The following CEP57L1 variants were observed in gnomAD, a reference collection of about 807,000 sequenced individuals.
The protein encoded by CEP57L1 is centrosomal protein CEP57L1.
A neutral mutation model predicts 61.0 loss-of-function variants in CEP57L1; 37 were observed. The ratio of observed to expected loss-of-function variants is 0.61; its 90% CI spans 0.47 to 0.80. CEP57L1 has a LOEUF of 0.80. Ranked by LOEUF, CEP57L1 falls within the 30% of genes least tolerant of loss-of-function variation. The probability of loss-of-function intolerance (pLI) is 0.00; values close to 1 mark genes in which losing one functional copy is unlikely to be tolerated. For synonymous variants in CEP57L1, 137 were observed against 162.3 expected, an observed-to-expected ratio of 0.84 and a Z score of 1.19; for missense variants, 422 against 524.7, an observed-to-expected ratio of 0.80 and a Z score of 1.91.
At chr6:109,113,407 T>C (rs1473257430) in intron 1 of CEP57L1, among the ~76,000 whole-genome samples, 2 of 152,124 alleles carry the variant, frequency 1.3e-5, no homozygotes, top group Non-Finnish European at 2.9e-5. Context: ...AGATACATGA[T>C]GAATAAAATA....
chr6:109,147,735 A>G (rs958400183), intron 3 of CEP57L1, among the ~76,000 whole-genome samples: 2 of 152,226 alleles, frequency 1.3e-5, no homozygotes, highest in Admixed American at 1.3e-4. Flanking sequence ...TGAGAGTGGT[A>G]GATGCATATA....
chr6:109,166,685 A>G lies in CEP57L1; in HGVS notation c.*3715A>G, dbSNP rs759065705. Among the ~76,000 whole-genome samples the G allele has an allele frequency of 1.8e-4, 27 of 152,096 alleles. No individual in the cohort carries two copies. Among genetic ancestry groups the G allele is most frequent in the Non-Finnish European group, 4.0e-4 (27 of 68,008 alleles). On this transcript the variant is annotated 3_prime_UTR_variant, in exon 11 of 11. Coordinates refer to ENST00000517392, the MANE Select transcript of CEP57L1 (RefSeq NM_001271852.3). ...GGCATGAGCCACTGCGCCCAGCCTA[A>G]ATGTGTATTCTTATCCATGATAAGA...
rs1424267281 is a variant in CEP57L1 at position 109,160,664 on chromosome 6, A to C, written c.1109A>C (p.Lys370Thr). The C allele has an allele frequency of 1.2e-6, 2 of 1,609,506 alleles. No individual in the cohort carries two copies. The highest frequency in any genetic ancestry group is 3.4e-5 in the Admixed American group (2 of 59,152). ...IECELECLLK[K>T]MEIKGEQISK... ...TGTGAACTAGAGTGTTTACTCAAGA[A>C]AATGGAAATTAAAGGAGAACAAATC... Residue 370 changes from lysine to threonine, a missense_variant, in exon 10 of 11, where the codon AAA becomes ACA. By Grantham distance (78) the Lys-to-Thr change is moderately conservative. Coordinates refer to ENST00000517392, the MANE Select transcript of CEP57L1 (RefSeq NM_001271852.3).
intron 1 of CEP57L1, among the ~76,000 whole-genome samples, chr6:109,108,143 C>T (rs1388492594): frequency 6.6e-6 from 1 of 152,066 alleles, no homozygotes; most frequent in East Asian, 1.9e-4. Context: ...ACCAGTGAAT[C>T]TAAATGTAAT....
In CEP57L1 at chr6:109,168,238, T is replaced by A. The variant is rs893467663; in HGVS notation, c.*5268T>A. Among the ~76,000 whole-genome samples the A allele has an allele frequency of 6.6e-6, 1 of 152,210 alleles. No individual in the cohort carries two copies. Among genetic ancestry groups the A allele is most frequent in the African/African-American group, 2.4e-5 (1 of 41,456 alleles). ...TCTTGATTGAAGATACCAGTTCCTT[T>A]AGTAATTTCAAAATGCCGGCCATAG... On this transcript the variant is annotated 3_prime_UTR_variant, in exon 11 of 11. Coordinates refer to ENST00000517392, the MANE Select transcript of CEP57L1 (RefSeq NM_001271852.3).
intron 1 of CEP57L1, among the ~76,000 whole-genome samples, chr6:109,113,103 G>A (rs536188303): frequency 2.0e-5 from 3 of 152,230 alleles, no homozygotes; most frequent in South Asian, 2.1e-4. Context: ...TAACATGAAG[G>A]TGGGGTGTTA....
chr6:109,132,717 A>G (rs945317809), intron 1 of CEP57L1, among the ~76,000 whole-genome samples: 1 of 152,174 alleles, frequency 6.6e-6, no homozygotes, highest in African/African-American at 2.4e-5. Flanking sequence ...GTACCAGTTT[A>G]TGTGCCAACA....
chr6:109,106,239 C>G (rs1001104951), intron 1 of CEP57L1: 16 of 152,214 alleles, frequency 1.1e-4, no homozygotes, highest in African/African-American at 3.9e-4. Context: ...TTCATGAAAC[C>G]TGTCCCTGGT....
chr6:109,101,742 C>T (rs1327949758), intron 1 of CEP57L1, among the ~76,000 whole-genome samples: 1 of 152,080 alleles, frequency 6.6e-6, no homozygotes, highest in Non-Finnish European at 1.5e-5. Flanking sequence ...GCCTCAGCCT[C>T]CTGAGTAGCT....
intron 1 of CEP57L1, among the ~76,000 whole-genome samples, chr6:109,110,154 C>T (rs369694679): frequency 7.9e-5 from 12 of 152,330 alleles, no homozygotes; most frequent in African/African-American, 2.6e-4. Flanking sequence ...ACACTCCCAC[C>T]AACAGAGTAG....
intron 1 of CEP57L1, chr6:109,140,522 C>G (rs1226323894): frequency 2.0e-5 from 3 of 151,458 alleles, no homozygotes; most frequent in Non-Finnish European, 1.5e-5. Flanking sequence ...GCCTCAGCCA[C>G]CCGAGTAGCT....
Position 109,147,300 on chromosome 6 carries a change from T to C in CEP57L1, c.340+363T>C, listed in dbSNP as rs1157575702. Among the ~76,000 whole-genome samples, 3 of 152,218 alleles carry C rather than the reference T, an allele frequency of 2.0e-5. No individual in the cohort carries two copies. In the East Asian group the frequency reaches 5.8e-4, roughly 29 times the overall value. On this transcript the variant is annotated intron_variant, in intron 3 of 10. Coordinates refer to ENST00000517392, the MANE Select transcript of CEP57L1 (RefSeq NM_001271852.3). ...TGTATTTGCAGTTAACACTAAACTT[T>C]AGAATTTGAAATACAGAACAACACT...
At chr6:109,101,861 C>T (rs1056161259) in intron 1 of CEP57L1, among the ~76,000 whole-genome samples, 3 of 152,146 alleles carry the variant, frequency 2.0e-5, no homozygotes, top group Non-Finnish European at 2.9e-5. Context: ...TCTCGTGATC[C>T]GCCCGCCTCG....
intron 1 of CEP57L1, among the ~76,000 whole-genome samples, chr6:109,126,700 A>G (rs929039241): frequency 2.6e-5 from 4 of 152,226 alleles, no homozygotes; most frequent in Admixed American, 2.6e-4. Context: ...AAATCTAATT[A>G]TTAGTATGTT....
upstream of CEP57L1, chr6:109,095,249 AAAGT>A (rs1562483913): frequency 2.0e-6 from 2 of 985,474 alleles, no homozygotes; most frequent in Non-Finnish European, 2.4e-6. Flanking sequence ...GGGGAAGGAA[AAAGT>A]AAGACGTAGA....
At chr6:109,132,620 T>G (rs889353258) in intron 1 of CEP57L1, among the ~76,000 whole-genome samples, 2 of 152,232 alleles carry the variant, frequency 1.3e-5, no homozygotes, top group Admixed American at 1.3e-4. Context: ...ATTCGCTAGA[T>G]TGTAATATCT....
intron 3 of CEP57L1, among the ~76,000 whole-genome samples, chr6:109,147,775 T>A (rs1772129879): frequency 6.6e-6 from 1 of 152,192 alleles, no homozygotes; most frequent in Non-Finnish European, 1.5e-5. Flanking sequence ...AAGAAATATA[T>A]TGATAGGTAA....
intron 1 of CEP57L1, among the ~76,000 whole-genome samples, chr6:109,125,528 T>A (rs1207017043): frequency 6.8e-5 from 10 of 146,382 alleles, no homozygotes; most frequent in African/African-American, 2.6e-4. Context: ...ATATATATTT[T>A]TTTTTTAACC....
intron 1 of CEP57L1, among the ~76,000 whole-genome samples, chr6:109,138,675 G>A (rs754421948): frequency 1.6e-4 from 25 of 152,090 alleles, no homozygotes; most frequent in Admixed American, 8.5e-4. Context: ...TTCCTTAAAG[G>A]GAGTTTGCCT....
Sources: allele counts gnomAD v4.1 joint callset (sites outside exome capture counted in the v4.1 genomes callset), GRCh38; gene constraint gnomAD v4.1.1; transcripts MANE v1.5; gene names NCBI Gene and HGNC (gene_info 2026-07-23, HGNC 2026-07-21).